C10orf105: variants seen among roughly 807,000 people sequenced by gnomAD.
The protein encoded by C10orf105 is chromosome 10 open reading frame 105.
C10orf105 carries 2 observed loss-of-function variants against 0.6 expected under a neutral mutation model. The observed-to-expected ratio is 3.18, with a 90% CI of 1.30 to 10.01. The LOEUF (loss-of-function observed/expected upper bound fraction) is 10.01. Ranked by LOEUF, C10orf105 falls within the 30% of genes most tolerant of loss-of-function variation. The probability of loss-of-function intolerance (pLI) is 0.04; values close to 1 mark genes in which losing one functional copy is unlikely to be tolerated. For missense variants in C10orf105, 209 were observed against 191.4 expected (o/e 1.09, Z -0.54); for synonymous variants, 95 against 82.4 (o/e 1.15, Z -0.83).
chr10:71,714,739 G>A lies in C10orf105; in HGVS notation c.*1197C>T, dbSNP rs1327360331. On this transcript the variant is annotated 3_prime_UTR_variant, in exon 2 of 2. Transcript: ENST00000441508. ...TGGAGCTGGGGAGTGGCAAGCCAGA[G>A]CTCACTCCTTGGGGAGACGTGGCTG... The A allele has an allele frequency of 6.6e-6, 1 of 152,302 alleles. No individual in the cohort carries two copies. The highest frequency in any genetic ancestry group is 1.5e-5 in the Non-Finnish European group (1 of 68,096). 9.4% of individuals were successfully genotyped at this position (152,302 alleles called of 1,614,324 possible).
intron 1 of C10orf105, chr10:71,730,679 G>A (rs1046108640): frequency 2.2e-5 from 35 of 1,579,816 alleles, no homozygotes; most frequent in Admixed American, 1.6e-4. Context: ...CCCCTCCTTC[G>A]AAACGGTCAT....
Position 71,712,552 on chromosome 10 carries a change from A to G in C10orf105, c.*3384T>C, listed in dbSNP as rs1866016607. The G allele has an allele frequency of 8.2e-7, 1 of 1,225,446 alleles. No individual in the cohort carries two copies. The highest frequency in any genetic ancestry group is 1.2e-6 in the Non-Finnish European group (1 of 863,030). The allele number at this position is 1,225,446 out of a possible 1,614,324, so 75.9% of individuals were successfully genotyped here. ...TCACCCCTTGCAAAGGCTAGGGCAG[A>G]TGGGGCGGAACAGGGCACCTCTCTG... On this transcript the variant is annotated 3_prime_UTR_variant, in exon 2 of 2. Coordinates refer to ENST00000441508, the MANE Select transcript of C10orf105 (RefSeq NM_001164375.3).
chr10:71,720,868 TGGG>T (rs1002262707), upstream of C10orf105, among the ~76,000 whole-genome samples: 4 of 152,090 alleles, frequency 2.6e-5, no homozygotes, highest in African/African-American at 9.7e-5. Context: ...AAGTGAGTGG[TGGG>T]GGACTTGGTG....
intron 1 of C10orf105, among the ~76,000 whole-genome samples, chr10:71,735,649 A>C (rs1839542833): frequency 6.6e-6 from 1 of 152,222 alleles, no homozygotes; most frequent in African/African-American, 2.4e-5. Context: ...TTAACCTAAA[A>C]AAGCTAGAAG....
At chr10:71,734,620 C>T (rs753564544) in intron 1 of C10orf105, 3 of 1,549,424 alleles carry the variant, frequency 1.9e-6, no homozygotes, top group East Asian at 5.1e-5. Flanking sequence ...TTTGCCTTTT[C>T]TCTCACTCCC....
At chr10:71,734,212 A>C (rs1413605249) in intron 1 of C10orf105, 9 of 1,562,768 alleles carry the variant, frequency 5.8e-6, no homozygotes, top group Non-Finnish European at 6.1e-6. Context: ...CGATGTTGTC[A>C]CTCACCCATC....
At chr10:71,726,734 T>C (rs893978981) in intron 1 of C10orf105, among the ~76,000 whole-genome samples, 3 of 152,244 alleles carry the variant, frequency 2.0e-5, no homozygotes, top group Admixed American at 1.3e-4. Flanking sequence ...TGGGGCCTAC[T>C]TCAGGGCACA....
intron 1 of C10orf105, among the ~76,000 whole-genome samples, chr10:71,733,615 C>A (rs138473853): frequency 6.6e-6 from 1 of 152,308 alleles, no homozygotes; most frequent in Non-Finnish European, 1.5e-5. Flanking sequence ...TCTTATATCA[C>A]AATGTCACAG....
intron 1 of C10orf105, chr10:71,734,742 C>A: frequency 1.1e-6 from 1 of 879,888 alleles, no homozygotes; most frequent in East Asian, 4.8e-5. Flanking sequence ...TGGACCTTCC[C>A]ACCTCTCCCA....
chr10:71,717,891 A>T (rs527509817), intron 1 of C10orf105: 2 of 152,368 alleles, frequency 1.3e-5, no homozygotes, highest in South Asian at 4.1e-4. Context: ...AGCCAAATAA[A>T]CTTGATTTCA....
intron 1 of C10orf105, among the ~76,000 whole-genome samples, chr10:71,718,441 G>C (rs963284721): frequency 6.9e-6 from 1 of 144,672 alleles, no homozygotes; most frequent in Non-Finnish European, 1.5e-5. Flanking sequence ...TGTGATGCCC[G>C]TCTAGCTGCC....
upstream of C10orf105, among the ~76,000 whole-genome samples, chr10:71,724,315 C>T (rs1474488546): frequency 2.0e-5 from 3 of 152,162 alleles, no homozygotes; most frequent in Non-Finnish European, 2.9e-5. Flanking sequence ...GTTTTTGAGA[C>T]GGAGTCTCCC....
Position 71,715,846 on chromosome 10 carries a change from T to C in C10orf105, c.*90A>G. The stretch of plus-strand genomic sequence containing the variant: ...GTGTCCCAGACTGCTTGGGCCACTG[T>C]CTTCCTGCAGCCTGCAGCACCGGTC... On this transcript the variant is annotated 3_prime_UTR_variant, in exon 2 of 2. Transcript: ENST00000441508. 7.6e-7 allele frequency: 1 copy of C among 1,309,722 alleles called. No homozygotes were observed. The highest frequency in any genetic ancestry group is 1.0e-6 in the Non-Finnish European group (1 of 985,952). 81.1% of individuals were successfully genotyped at this position (1,309,722 alleles called of 1,614,324 possible).
chr10:71,735,902 G>A (rs954132028), intron 1 of C10orf105, among the ~76,000 whole-genome samples: 1 of 152,194 alleles, frequency 6.6e-6, no homozygotes, highest in Non-Finnish European at 1.5e-5. Flanking sequence ...AGTGGGTGCC[G>A]AGCCACCTGC....
At chr10:71,735,097 C>T (rs915947981) in intron 1 of C10orf105, among the ~76,000 whole-genome samples, 1 of 152,256 alleles carries the variant, frequency 6.6e-6, no homozygotes, top group Non-Finnish European at 1.5e-5. Context: ...GCAGAAAGCC[C>T]TTTGTAAGCC....
chr10:71,732,626 T>C, intron 1 of C10orf105: 2 of 1,401,540 alleles, frequency 1.4e-6, no homozygotes, highest in South Asian at 1.7e-5. Context: ...GAGTGAGACC[T>C]TGTCTCTTAC....
chr10:71,722,524 G>A (rs1284154672), upstream of C10orf105, among the ~76,000 whole-genome samples: 9 of 152,206 alleles, frequency 5.9e-5, no homozygotes, highest in Non-Finnish European at 8.8e-5. Context: ...ACCCTACTGT[G>A]TGCCAGGATT....
chr10:71,723,228 G>A (rs1005559776), upstream of C10orf105, among the ~76,000 whole-genome samples: 5 of 152,196 alleles, frequency 3.3e-5, no homozygotes, highest in Admixed American at 3.3e-4. Context: ...TTCCTGCACT[G>A]CCCTGGGGGG....
At chr10:71,723,947 G>A (rs1866686279), upstream of C10orf105, 14 of 1,361,576 alleles carry the variant, frequency 1.0e-5, no homozygotes, top group South Asian at 1.6e-4. Context: ...TGGCAGGATG[G>A]GGTAGGATGC....
Sources: allele counts gnomAD v4.1 joint callset (sites outside exome capture counted in the v4.1 genomes callset), GRCh38; gene constraint gnomAD v4.1.1; transcripts MANE v1.5; gene names NCBI Gene and HGNC (gene_info 2026-07-23, HGNC 2026-07-21).